The following FSTL4 variants were observed in gnomAD, a reference collection of about 807,000 sequenced individuals.
FSTL4 encodes the protein follistatin like 4.
In FSTL4, 28 loss-of-function variants were observed where a neutral mutation model predicts 78.2. That is an observed-to-expected ratio of 0.36 (90% CI 0.27 to 0.49). The LOEUF is 0.49. Among genes scored for constraint, FSTL4 ranks in the 20% least tolerant of loss-of-function variants. The probability of loss-of-function intolerance (pLI) is 0.98; values close to 1 mark genes in which losing one functional copy is unlikely to be tolerated. For synonymous variants in FSTL4, 422 were observed against 440.5 expected, an observed-to-expected ratio of 0.96 and a Z score of 0.53; for missense variants, 922 against 1,084.9, an observed-to-expected ratio of 0.85 and a Z score of 2.11.
chr5:133,219,659 C>G (rs1316952143), intron 12 of FSTL4, among the ~76,000 whole-genome samples: 2 of 152,220 alleles, frequency 1.3e-5, no homozygotes, highest in African/African-American at 2.4e-5. Context: ...GGATCATTCC[C>G]CAGCTCACCA....
In FSTL4 at chr5:133,320,789, C is replaced by T. The variant is rs949406226; in HGVS notation, c.410-4137G>A. On this transcript the variant is annotated intron_variant, in intron 4 of 15. Coordinates refer to ENST00000265342, the MANE Select transcript of FSTL4 (RefSeq NM_015082.2). ...TTGGGAGGCCGAGGCGGGCGGATCA[C>T]GAGGTCAGGAGATTGAGACCATCCT... Among the ~76,000 whole-genome samples, 7 of 152,012 alleles carry T rather than the reference C, an allele frequency of 4.6e-5. No individual in the cohort carries two copies. The East Asian group carries it at 7.7e-4, about 17-fold the overall frequency.
chr5:133,591,559 G>C (rs1317143922), intron 2 of FSTL4, among the ~76,000 whole-genome samples: 1 of 152,030 alleles, frequency 6.6e-6, no homozygotes, highest in Non-Finnish European at 1.5e-5. Flanking sequence ...AGAGCCCCTG[G>C]AGGGCCCCTC....
chr5:133,210,116 G>C (rs1233031841), intron 14 of FSTL4, 75 bp downstream of exon 14: 5 of 787,512 alleles, frequency 6.3e-6, no homozygotes, highest in Non-Finnish European at 8.9e-6. Flanking sequence ...GGGGAAGCAG[G>C]AGATACTTAT....
the FSTL4 span, among the ~76,000 whole-genome samples, chr5:133,803,602 G>A: frequency 6.6e-6 from 1 of 152,168 alleles, no homozygotes; most frequent in Non-Finnish European, 1.5e-5. Flanking sequence ...CCCACCCTAA[G>A]TGGCAGAAAC....
At chr5:133,342,144 AG>A (rs1192008328) in intron 4 of FSTL4, among the ~76,000 whole-genome samples, 2 of 152,108 alleles carry the variant, frequency 1.3e-5, no homozygotes, top group African/African-American at 4.8e-5. Context: ...TGTTGACAGG[AG>A]GGGGCACTGA....
At chr5:133,607,488 A>C (rs1030787957) in intron 1 of FSTL4, among the ~76,000 whole-genome samples, 5 of 152,104 alleles carry the variant, frequency 3.3e-5, no homozygotes, top group African/African-American at 4.8e-5. Flanking sequence ...AATCAGATGA[A>C]AGAGGAGATG....
chr5:133,260,956 ATGT>A (rs1272021891), intron 6 of FSTL4, among the ~76,000 whole-genome samples: 1 of 152,058 alleles, frequency 6.6e-6, no homozygotes, highest in Non-Finnish European at 1.5e-5. Context: ...GAGGCTGGAG[ATGT>A]TGGGAGGAGG....
chr5:133,365,436 C>A (rs1249326802), intron 4 of FSTL4, among the ~76,000 whole-genome samples: 11 of 152,192 alleles, frequency 7.2e-5, no homozygotes, highest in Non-Finnish European at 1.5e-4. Flanking sequence ...CAGATGGGAC[C>A]TCCCCTCTGG....
At chr5:133,443,414 T>C (rs1272077139) in intron 3 of FSTL4, among the ~76,000 whole-genome samples, 4 of 152,226 alleles carry the variant, frequency 2.6e-5, no homozygotes, top group Non-Finnish European at 5.9e-5. Flanking sequence ...TTGGCGCAAC[T>C]CATTCATGGT....
chr5:133,838,306 T>C, the FSTL4 span, among the ~76,000 whole-genome samples: 5 of 152,246 alleles, frequency 3.3e-5, no homozygotes, highest in African/African-American at 4.8e-5. Flanking sequence ...TTCCAATTAC[T>C]ATGGCAGCAA....
chr5:133,823,135 C>T, the FSTL4 span, among the ~76,000 whole-genome samples: 3 of 152,176 alleles, frequency 2.0e-5, no homozygotes, highest in Non-Finnish European at 4.4e-5. Flanking sequence ...TCAAGAACTT[C>T]TGGATGGGCA....
chr5:133,452,067 T>C (rs999679477), intron 3 of FSTL4, among the ~76,000 whole-genome samples: 6 of 152,144 alleles, frequency 3.9e-5, no homozygotes, highest in African/African-American at 1.2e-4. Context: ...CTACAGAGTA[T>C]CTGGGGCTGC....
chr5:133,699,904 A>AC, the FSTL4 span, among the ~76,000 whole-genome samples: 156 of 149,392 alleles, frequency 1.0e-3, no homozygotes, highest in Non-Finnish European at 1.8e-3. Context: ...AAAAAAAACA[A>AC]CCCAGTGCCT....
chr5:133,313,904 G>A (rs1230912513), intron 5 of FSTL4, among the ~76,000 whole-genome samples: 1 of 152,130 alleles, frequency 6.6e-6, no homozygotes, highest in Admixed American at 6.5e-5. Flanking sequence ...GTCAAGGAAA[G>A]GCCCACTTTA....
intron 6 of FSTL4, among the ~76,000 whole-genome samples, chr5:133,284,439 G>A (rs1216267055): frequency 1.3e-5 from 2 of 152,380 alleles, no homozygotes; most frequent in East Asian, 3.9e-4. Context: ...AGTGGGACTG[G>A]AGGGAGGGGA....
chr5:133,745,387 C>T, the FSTL4 span, among the ~76,000 whole-genome samples: 1 of 152,208 alleles, frequency 6.6e-6, no homozygotes, highest in African/African-American at 2.4e-5. Flanking sequence ...GAATCAATAG[C>T]ACATAATTCA....
chr5:133,651,318 T>G, the FSTL4 span, among the ~76,000 whole-genome samples: 1 of 152,194 alleles, frequency 6.6e-6, no homozygotes, highest in South Asian at 2.1e-4. Context: ...GTTTATAATC[T>G]TAGAAGGAAA....
At chr5:133,614,080 T>C (rs866384234), upstream of FSTL4, among the ~76,000 whole-genome samples, 3 of 152,286 alleles carry the variant, frequency 2.0e-5, 1 homozygote, top group Middle Eastern at 0.01. Flanking sequence ...CTCTGAAATG[T>C]AATTCTAAGT....
chr5:133,657,823 A>G, the FSTL4 span, among the ~76,000 whole-genome samples: 1 of 144,608 alleles, frequency 6.9e-6, no homozygotes, highest in Non-Finnish European at 1.5e-5. Flanking sequence ...TCTAAAACAG[A>G]TGTATAGACT....
Sources: gnomAD v4.1 joint callset for allele counts (sites outside exome capture counted in the v4.1 genomes callset) on GRCh38, gnomAD v4.1.1 for gene constraint, MANE v1.5 for transcripts, NCBI Gene and HGNC (gene_info 2026-07-23, HGNC 2026-07-21) for gene names.